Variants in SRPK2 observed in about 807,000 individuals in gnomAD.
The protein encoded by SRPK2 is SRSF protein kinase 2, also known as SFRS protein kinase 2.
In SRPK2, 21 loss-of-function variants were observed where a neutral mutation model predicts 90.8. The observed-to-expected ratio is 0.23, with a 90% CI of 0.16 to 0.33. The LOEUF (loss-of-function observed/expected upper bound fraction) is 0.33, where lower values mean the gene tolerates loss of function less well. Among genes scored for constraint, SRPK2 ranks in the 10% least tolerant of loss-of-function variants. SRPK2 has a pLI of 1.00. For missense variants in SRPK2, 620 were observed against 869.0 expected, an observed-to-expected ratio of 0.71 and a Z score of 3.60; for synonymous variants, 288 against 311.1, an observed-to-expected ratio of 0.93 and a Z score of 0.78.
intron 2 of SRPK2, among the ~76,000 whole-genome samples, chr7:105,381,646 G>C (rs1031163550): frequency 6.6e-6 from 1 of 152,120 alleles, no homozygotes; most frequent in African/African-American, 2.4e-5. Flanking sequence ...TGCAGCACTA[G>C]GTATTTGCTT....
At chr7:105,229,382 T>G (rs1799144175) in intron 2 of SRPK2, among the ~76,000 whole-genome samples, 1 of 151,754 alleles carries the variant, frequency 6.6e-6, no homozygotes, top group African/African-American at 2.4e-5. Context: ...AAGAATGGCG[T>G]GAACCCGGGA....
chr7:105,161,050 C>A (rs897954806), intron 6 of SRPK2, among the ~76,000 whole-genome samples: 8 of 152,004 alleles, frequency 5.3e-5, no homozygotes, highest in African/African-American at 1.9e-4. Flanking sequence ...CTCAGCCTCC[C>A]GAGCAGCTGA....
At chr7:105,251,321 A>C (rs1253582476) in intron 2 of SRPK2, among the ~76,000 whole-genome samples, 1 of 152,160 alleles carries the variant, frequency 6.6e-6, no homozygotes, top group Non-Finnish European at 1.5e-5. Flanking sequence ...TCAAACACAG[A>C]CTGTCAAATT....
At chr7:105,152,886 T>G (rs1805918868) in intron 7 of SRPK2, among the ~76,000 whole-genome samples, 1 of 151,954 alleles carries the variant, frequency 6.6e-6, no homozygotes, top group South Asian at 2.1e-4. Flanking sequence ...ATACAAAAAT[T>G]AGCTGGGTGT....
At chr7:105,331,327 A>AAAAC (rs1342547133) in intron 2 of SRPK2, among the ~76,000 whole-genome samples, 5 of 149,108 alleles carry the variant, frequency 3.4e-5, no homozygotes, top group African/African-American at 7.4e-5. Flanking sequence ...AAAAAAAAAA[A>AAAAC]AAAAAAAAAA....
intron 2 of SRPK2, among the ~76,000 whole-genome samples, chr7:105,345,674 C>A (rs548374869): frequency 1.3e-5 from 2 of 152,314 alleles, no homozygotes; most frequent in South Asian, 4.1e-4. Flanking sequence ...TTATTTTACA[C>A]ATGAACATGT....
Position 105,306,395 on chromosome 7 carries a change from G to C in SRPK2, c.71+82253C>G, listed in dbSNP as rs570155214. On this transcript the variant is annotated intron_variant, in intron 2 of 15. Transcript: ENST00000393651. Reference sequence around the variant, plus strand: ...ACTGTGAATTATTTTTGCAAAGTACGTATCACTAGAACCAAGATGTTTAAG... The same window carrying C: ...ACTGTGAATTATTTTTGCAAAGTACCTATCACTAGAACCAAGATGTTTAAG... 28 of 405,128 alleles carry C rather than the reference G, an allele frequency of 6.9e-5. No individual in the cohort carries two copies. The East Asian group carries it at 1.9e-3, about 28-fold the overall frequency. 25.1% of individuals were successfully genotyped at this position (405,128 alleles called of 1,614,324 possible). A position where few individuals can be genotyped will look rare whatever the true frequency, so the allele number is the denominator to read the frequency against.
At chr7:105,164,352 C>T (rs1808192934) in intron 6 of SRPK2, among the ~76,000 whole-genome samples, 1 of 152,190 alleles carries the variant, frequency 6.6e-6, no homozygotes, top group Non-Finnish European at 1.5e-5. Flanking sequence ...TGTAAATGTT[C>T]CTGTTCATTC....
intron 2 of SRPK2, among the ~76,000 whole-genome samples, chr7:105,318,093 T>C (rs1812508275): frequency 1.3e-5 from 2 of 152,022 alleles, no homozygotes; most frequent in Non-Finnish European, 1.5e-5. Context: ...ACGCTATTCA[T>C]TTTTGTGGTT....
chr7:105,163,304 G>C (rs963899996), intron 6 of SRPK2, among the ~76,000 whole-genome samples: 1 of 152,058 alleles, frequency 6.6e-6, no homozygotes, highest in African/African-American at 2.4e-5. Context: ...TAAAATCAAA[G>C]CAATAACAAA....
At chr7:105,256,263 G>T (rs1803290711) in intron 2 of SRPK2, among the ~76,000 whole-genome samples, 1 of 152,160 alleles carries the variant, frequency 6.6e-6, no homozygotes, top group Admixed American at 6.5e-5. Context: ...ATTTACCATA[G>T]GCTGAATCTG....
intron 7 of SRPK2, among the ~76,000 whole-genome samples, chr7:105,150,619 G>A (rs1337393370): frequency 2.0e-5 from 3 of 152,182 alleles, no homozygotes; most frequent in Admixed American, 6.5e-5. Context: ...TACTTTTGAA[G>A]GAAACACAAT....
At chr7:105,380,521 A>ATTTT (rs35323315) in intron 2 of SRPK2, among the ~76,000 whole-genome samples, 3 of 107,294 alleles carry the variant, frequency 2.8e-5, no homozygotes, top group African/African-American at 6.4e-5. Flanking sequence ...ACATGCTAAA[A>ATTTT]TTTTTTTTTT....
chr7:105,362,155 A>C (rs1309013843), intron 2 of SRPK2, among the ~76,000 whole-genome samples: 1 of 152,190 alleles, frequency 6.6e-6, no homozygotes, highest in Non-Finnish European at 1.5e-5. Context: ...CCCCATCAAA[A>C]AGTGGGCGAA....
rs1046491137 is a variant in SRPK2, at chr7:105,328,778, T to C, written c.71+59870A>G. ...TACTCAGGAGGCTGAGGCAGGAGAA[T>C]GGTGTGAACCTGGGAGGCAGAGCTT... On this transcript the variant is annotated intron_variant, in intron 2 of 15. Transcript: ENST00000393651. Among the ~76,000 whole-genome samples, 6 of 148,634 alleles carry C rather than the reference T, an allele frequency of 4.0e-5. No individual in the cohort carries two copies. In the East Asian group the frequency reaches 1.2e-3, roughly 30 times the overall value.
chr7:105,167,301 C>T, intron 6 of SRPK2, 76 bp downstream of exon 6: 1 of 1,253,798 alleles, frequency 8.0e-7, no homozygotes, highest in Non-Finnish European at 1.1e-6. Context: ...CAGCAGTAAA[C>T]AGAGATTATA....
chr7:105,259,479 A>G (rs1474128305), intron 2 of SRPK2, among the ~76,000 whole-genome samples: 2 of 152,356 alleles, frequency 1.3e-5, no homozygotes, highest in East Asian at 1.9e-4. Context: ...TACAGATTCA[A>G]TGCCATCCCC....
rs148201739 is a variant in SRPK2 at position 105,122,949 on chromosome 7, A to G, written c.1915+3299T>C. 4.7e-3 allele frequency among the ~76,000 whole-genome samples: 722 copies of G among 152,168 alleles called. 7 individuals carry two copies. The highest frequency in any genetic ancestry group is 7.6e-3 in the Non-Finnish European group (519 of 68,010). On this transcript the variant is annotated intron_variant, in intron 15 of 15. Coordinates refer to ENST00000393651, the MANE Select transcript of SRPK2 (RefSeq NM_182692.3). The stretch of plus-strand genomic sequence containing the variant: ...TCCACGCAGCAATTTTTACTAAAAT[A>G]TGCCTGCTGAATGGTCAGAAAAATT...
At chr7:105,128,342 G>A (rs1301835018) in intron 13 of SRPK2, among the ~76,000 whole-genome samples, 1 of 152,186 alleles carries the variant, frequency 6.6e-6, no homozygotes, top group Non-Finnish European at 1.5e-5. Flanking sequence ...GTGAGCTGGT[G>A]GTCCCAGCAC....
Sources: gnomAD v4.1 joint callset for allele counts (sites outside exome capture counted in the v4.1 genomes callset) on GRCh38, gnomAD v4.1.1 for gene constraint, MANE v1.5 for transcripts, NCBI Gene and HGNC (gene_info 2026-07-23, HGNC 2026-07-21) for gene names.